The following PDSS1 variants were observed in gnomAD, a reference collection of about 807,000 sequenced individuals.
PDSS1 encodes the protein all trans-polyprenyl-diphosphate synthase PDSS1.
Under a neutral mutation model 57.5 loss-of-function variants are expected in PDSS1, and 43 were observed. The ratio of observed to expected loss-of-function variants is 0.75; its 90% CI spans 0.59 to 0.96. The LOEUF is 0.96. PDSS1 is among the 50% of genes least tolerant of loss of function. The pLI is 0.00. For missense variants in PDSS1, 438 were observed against 527.8 expected, an observed-to-expected ratio of 0.83 and a Z score of 1.67; for synonymous variants, 175 against 191.3, an observed-to-expected ratio of 0.91 and a Z score of 0.70.
intron 11 of PDSS1, among the ~76,000 whole-genome samples, chr10:26,744,373 TTTTTA>T (rs1403272030): frequency 2.0e-5 from 3 of 149,438 alleles, no homozygotes; most frequent in African/African-American, 2.5e-5. Flanking sequence ...TTTTATTTTA[TTTTTA>T]TTTTATTATT....
intron 1 of PDSS1, among the ~76,000 whole-genome samples, chr10:26,700,474 G>T (rs935242385): frequency 7.2e-5 from 11 of 152,030 alleles, no homozygotes; most frequent in African/African-American, 2.4e-4. Context: ...CATCTATCTC[G>T]AATTGTAATC....
At chr10:26,740,696 A>T (rs1374113152) in intron 10 of PDSS1, 2 of 456,696 alleles carry the variant, frequency 4.4e-6, no homozygotes, top group South Asian at 3.1e-5. Context: ...ACGTGGCCAA[A>T]ATCAAACACA....
chr10:26,724,200 C>A, intron 8 of PDSS1, 77 bp downstream of exon 8: 1 of 1,025,210 alleles, frequency 9.8e-7, no homozygotes, highest in Non-Finnish European at 1.5e-6. Context: ...GAAAATATTT[C>A]GGTGAAGAAT....
At chr10:26,723,947 T>C in intron 7 of PDSS1, 30 bp downstream of exon 7, 1 of 1,585,732 alleles carries the variant, frequency 6.3e-7, no homozygotes, top group Non-Finnish European at 8.7e-7. Flanking sequence ...TCTTCTTTGT[T>C]ATTCAACCCT....
chr10:26,712,416 C>T (rs1352154579), intron 5 of PDSS1, among the ~76,000 whole-genome samples: 1 of 100,094 alleles, frequency 1.0e-5, no homozygotes, highest in Non-Finnish European at 2.3e-5. Flanking sequence ...CACTACTGCC[C>T]TCTCCAGGGA....
chr10:26,723,691 G>T, intron 6 of PDSS1, 115 bp from the exon 7 acceptor site: 1 of 779,628 alleles, frequency 1.3e-6, no homozygotes, highest in Non-Finnish European at 2.3e-6. Flanking sequence ...AAAAAACCCT[G>T]CATCCAAGAT....
At chr10:26,721,030 G>T (rs532412734) in intron 6 of PDSS1, among the ~76,000 whole-genome samples, 17 of 152,140 alleles carry the variant, frequency 1.1e-4, no homozygotes, top group African/African-American at 4.1e-4. Flanking sequence ...TGCAGGCCAG[G>T]CGCAGTGGCT....
At chr10:26,728,895 C>T (rs146952965) in intron 8 of PDSS1, among the ~76,000 whole-genome samples, 3,009 of 150,818 alleles carry the variant, frequency 0.02, 103 homozygotes, top group African/African-American at 0.07. Context: ...CCTCCCACCT[C>T]AGCCTCCTGA....
intron 5 of PDSS1, among the ~76,000 whole-genome samples, chr10:26,719,467 G>A (rs760851180): frequency 3.9e-5 from 6 of 152,180 alleles, no homozygotes; most frequent in Non-Finnish European, 7.3e-5. Context: ...CATACTAAAC[G>A]TTTAATTTAA....
chr10:26,731,147 G>C (rs12260707), intron 8 of PDSS1, among the ~76,000 whole-genome samples: 9,142 of 152,070 alleles, frequency 0.06, 736 homozygotes, highest in African/African-American at 0.18. Flanking sequence ...TCAAGGCCAG[G>C]CCGGCCAACA....
rs1748354 is a variant in PDSS1, at chr10:26,704,461, T to A, written c.163-216T>A. Among the ~76,000 whole-genome samples the A allele has an allele frequency of 0.52, 79,381 of 151,968 alleles. 21,799 individuals carry two copies. The highest frequency in any genetic ancestry group is 0.63 in the Middle Eastern group (186 of 294). The stretch of plus-strand genomic sequence containing the variant: ...GGGAAGGGATGGACTGAAGATGGTT[T>A]TTATTTTCTCCTTTTTTCTTATTTA... On this transcript the variant is annotated intron_variant, in intron 2 of 11. Coordinates refer to ENST00000376215, the MANE Select transcript of PDSS1 (RefSeq NM_014317.5).
At position 26,746,587 on chromosome 10, in the gene PDSS1, T is replaced by C. The variant is rs906313902; in HGVS notation, c.*114T>C. The C allele has an allele frequency of 1.7e-6, 2 of 1,145,196 alleles. No homozygotes were observed. Among genetic ancestry groups the C allele is most frequent in the Non-Finnish European group, 2.6e-6 (2 of 779,932 alleles). The allele number at this position is 1,145,196 out of a possible 1,614,324, so 70.9% of individuals were successfully genotyped here. Reference sequence around the variant, plus strand: ...TAACCAAAAATCATTTTAAAAGATATCAAACTTATTGATGGGCAATTTATT... The same window carrying C: ...TAACCAAAAATCATTTTAAAAGATACCAAACTTATTGATGGGCAATTTATT... On this transcript the variant is annotated 3_prime_UTR_variant, in exon 12 of 12. Coordinates refer to ENST00000376215, the MANE Select transcript of PDSS1 (RefSeq NM_014317.5).
chr10:26,716,674 G>C (rs1005998667), intron 5 of PDSS1, among the ~76,000 whole-genome samples: 1 of 151,424 alleles, frequency 6.6e-6, no homozygotes, highest in Non-Finnish European at 1.5e-5. Context: ...CTGGGTGAAA[G>C]AGCAAGACTC....
At chr10:26,713,585 T>C (rs1835464553) in intron 5 of PDSS1, among the ~76,000 whole-genome samples, 1 of 152,170 alleles carries the variant, frequency 6.6e-6, no homozygotes, top group Admixed American at 6.5e-5. Context: ...AGGATTTCTA[T>C]GGCTTACAGT....
chr10:26,720,114 A>C lies in PDSS1; in HGVS notation c.468-104A>C, dbSNP rs921433369. ...AGTTTTTATACCGTTTCTCTTAGAG[A>C]AATAACATTCTTTATCCTAGATCCG... On this transcript the variant is annotated intron_variant, in intron 5 of 11. Coordinates refer to ENST00000376215, the MANE Select transcript of PDSS1 (RefSeq NM_014317.5). The C allele has an allele frequency of 4.2e-5, 65 of 1,533,260 alleles. No homozygotes were observed. In the African/African-American group the frequency reaches 8.5e-4, roughly 20 times the overall value. 95.0% of individuals were successfully genotyped at this position (1,533,260 alleles called of 1,614,324 possible). A position where few individuals can be genotyped will look rare whatever the true frequency, so the allele number is the denominator to read the frequency against.
intron 8 of PDSS1, among the ~76,000 whole-genome samples, chr10:26,728,559 A>C (rs1836045542): frequency 6.6e-6 from 1 of 152,070 alleles, no homozygotes; most frequent in Admixed American, 6.6e-5. Flanking sequence ...TTTTGGGCAA[A>C]GTATTTTCAG....
intron 11 of PDSS1, among the ~76,000 whole-genome samples, chr10:26,743,178 A>G (rs1403777327): frequency 6.6e-6 from 1 of 152,272 alleles, no homozygotes; most frequent in Non-Finnish European, 1.5e-5. Context: ...TGCTTTAAAT[A>G]TATTGCCACG....
At chr10:26,703,243 T>G (rs1288852623) in intron 2 of PDSS1, among the ~76,000 whole-genome samples, 1 of 152,248 alleles carries the variant, frequency 6.6e-6, no homozygotes, top group African/African-American at 2.4e-5. Context: ...AAGCGTCCCC[T>G]GTATTAATTA....
At position 26,704,083 on chromosome 10, in the gene PDSS1, C is replaced by CAA. The variant is rs1203931422; in HGVS notation, c.163-576_163-575dup. ...GACGACAGAACGAGACTCCGTCTCA[C>CAA]AAAAAAAAAAAAAAAAAAATATGGC... is the stretch of plus-strand genomic sequence containing the variant. On this transcript the variant is annotated intron_variant, in intron 2 of 11. Coordinates refer to ENST00000376215, the MANE Select transcript of PDSS1 (RefSeq NM_014317.5). Among the ~76,000 whole-genome samples the CAA allele has an allele frequency of 1.2e-3, 37 of 31,058 alleles. 3 individuals carry two copies. The highest frequency in any genetic ancestry group is 2.5e-3 in the African/African-American group (25 of 9,948). The allele number at this position is 31,058 out of a possible 152,430, so 20.4% of individuals were successfully genotyped here. A position where few individuals can be genotyped will look rare whatever the true frequency, so the allele number is the denominator to read the frequency against.
Sources: gnomAD v4.1 joint callset for allele counts (sites outside exome capture counted in the v4.1 genomes callset) on GRCh38, gnomAD v4.1.1 for gene constraint, MANE v1.5 for transcripts, NCBI Gene and HGNC (gene_info 2026-07-23, HGNC 2026-07-21) for gene names.